The following CADM1 variants were observed in gnomAD, a reference collection of about 807,000 sequenced individuals.
CADM1 encodes the protein cell adhesion molecule 1.
A neutral mutation model predicts 53.1 loss-of-function variants in CADM1; 15 were observed. That is an observed-to-expected ratio of 0.28 (90% CI 0.19 to 0.44). The LOEUF is 0.44. CADM1 is among the 20% of genes least tolerant of loss of function. The pLI is 1.00. For synonymous variants in CADM1, 281 were observed against 243.0 expected (o/e 1.16, Z -1.45); for missense variants, 434 against 611.3 (o/e 0.71, Z 3.06).
intron 1 of CADM1, among the ~76,000 whole-genome samples, chr11:115,308,290 C>T (rs939429444): frequency 2.7e-5 from 4 of 150,790 alleles, no homozygotes; most frequent in South Asian, 2.1e-4. Flanking sequence ...TACTCTGGAG[C>T]AAAACACTCC....
At chr11:115,190,989 TAAAC>T (rs1186890223) in intron 9 of CADM1, 48 bp from the exon 10 acceptor site, 12 of 1,450,624 alleles carry the variant, frequency 8.3e-6, no homozygotes, top group East Asian at 4.8e-5. Context: ...TCGAGGGACA[TAAAC>T]AAAACACTTA....
chr11:115,383,923 T>C (rs896795054), intron 1 of CADM1, among the ~76,000 whole-genome samples: 2 of 151,854 alleles, frequency 1.3e-5, no homozygotes, highest in African/African-American at 4.8e-5. Flanking sequence ...GGAAGCTCAG[T>C]AGATCCTAAG....
intron 1 of CADM1, among the ~76,000 whole-genome samples, chr11:115,291,474 G>T (rs1022444000): frequency 6.6e-5 from 10 of 152,204 alleles, no homozygotes; most frequent in Non-Finnish European, 1.5e-4. Flanking sequence ...AGGAAAATCA[G>T]ATAGACTCAT....
intron 1 of CADM1, among the ~76,000 whole-genome samples, chr11:115,402,180 CAA>C (rs1484035878): frequency 6.6e-6 from 1 of 152,042 alleles, no homozygotes; most frequent in Admixed American, 6.5e-5. Flanking sequence ...CTTGGAAAAA[CAA>C]TGTTCGCAAC....
intron 9 of CADM1, among the ~76,000 whole-genome samples, chr11:115,196,620 A>AAAAAAAAAAAAAAAC (rs1940165468): frequency 1.3e-5 from 2 of 148,782 alleles, no homozygotes; most frequent in African/African-American, 2.5e-5. Flanking sequence ...AAAAAAAAAA[A>AAAAAAAAAAAAAAAC]TCACAAAACA....
Position 115,323,388 on chromosome 11 carries a change from A to G in CADM1, c.125-82968T>C, listed in dbSNP as rs1267091833. Among the ~76,000 whole-genome samples the G allele has an allele frequency of 2.0e-5, 3 of 152,210 alleles. No homozygotes were observed. The South Asian group carries it at 6.2e-4, about 32-fold the overall frequency. On this transcript the variant is annotated intron_variant, in intron 1 of 11. Transcript: ENST00000331581. ...CCTAAGTTACTTTTGATGTTTAAAT[A>G]AAAACTCTAAGATAATATCTAAAAC...
At position 115,407,769 on chromosome 11, in the gene CADM1, C is replaced by G. The variant is rs1460898246; in HGVS notation, c.124+96502G>C. 4.7e-5 allele frequency among the ~76,000 whole-genome samples: 7 copies of G among 148,050 alleles called. No individual in the cohort carries two copies. The East Asian group carries it at 1.4e-3, about 30-fold the overall frequency. On this transcript the variant is annotated intron_variant, in intron 1 of 11. Transcript: ENST00000331581. Reference sequence around the variant, plus strand: ...CGTTTGGTCCTAGCAACTTGGGAAGCCAAGGAAGGAGGGTCACCTGAGCCT... The same window carrying G: ...CGTTTGGTCCTAGCAACTTGGGAAGGCAAGGAAGGAGGGTCACCTGAGCCT...
At chr11:115,439,302 G>A (rs1393658745) in intron 1 of CADM1, among the ~76,000 whole-genome samples, 2 of 152,154 alleles carry the variant, frequency 1.3e-5, no homozygotes, top group African/African-American at 4.8e-5. Flanking sequence ...TTCATGTCAT[G>A]GCATTTCAAG....
chr11:115,302,808 G>A (rs1347512638), intron 1 of CADM1, among the ~76,000 whole-genome samples: 1 of 151,960 alleles, frequency 6.6e-6, no homozygotes, highest in African/African-American at 2.4e-5. Flanking sequence ...GATGCACTGG[G>A]TCACCATTGG....
Position 115,376,827 on chromosome 11 carries a change from G to A in CADM1, c.124+127444C>T, listed in dbSNP as rs73572988. Among the ~76,000 whole-genome samples the A allele has an allele frequency of 7.8e-3, 1,181 of 152,266 alleles. 16 individuals are homozygous for A. Among genetic ancestry groups the A allele is most frequent in the African/African-American group, 0.025 (1,056 of 41,546 alleles). ...GGGATTCTGTCAAGTAATTCCACAG[G>A]ACACTGGTGGTCTTGGTGTCTCTCT... On this transcript the variant is annotated intron_variant, in intron 1 of 11. Transcript: ENST00000331581.
chr11:115,484,086 A>C (rs1484864292), intron 1 of CADM1, among the ~76,000 whole-genome samples: 1 of 152,186 alleles, frequency 6.6e-6, no homozygotes, highest in East Asian at 1.9e-4. Context: ...CTTTACATAA[A>C]GGAGTTAAGA....
chr11:115,281,849 T>G (rs1287677315), intron 1 of CADM1, among the ~76,000 whole-genome samples: 2 of 152,116 alleles, frequency 1.3e-5, no homozygotes, highest in Non-Finnish European at 2.9e-5. Flanking sequence ...CATAATACTA[T>G]ATTTAATGGC....
intron 1 of CADM1, among the ~76,000 whole-genome samples, chr11:115,495,207 T>C (rs999588786): frequency 3.3e-5 from 5 of 152,156 alleles, no homozygotes; most frequent in African/African-American, 1.2e-4. Flanking sequence ...GCAAGAAAAA[T>C]GAAGCAATGC....
At chr11:115,188,069 A>C (rs1220307196) in intron 10 of CADM1, among the ~76,000 whole-genome samples, 1 of 152,160 alleles carries the variant, frequency 6.6e-6, no homozygotes, top group Non-Finnish European at 1.5e-5. Flanking sequence ...GGCACACTGT[A>C]TATTTACCAC....
At chr11:115,227,084 T>G (rs1163162922) in intron 5 of CADM1, among the ~76,000 whole-genome samples, 1 of 152,212 alleles carries the variant, frequency 6.6e-6, no homozygotes, top group East Asian at 1.9e-4. Context: ...CTAAAATATT[T>G]GTATGATTTT....
chr11:115,459,519 G>C (rs1236088198), intron 1 of CADM1, among the ~76,000 whole-genome samples: 1 of 152,116 alleles, frequency 6.6e-6, no homozygotes, highest in Non-Finnish European at 1.5e-5. Flanking sequence ...CCCAGAGAGA[G>C]AGAGAGAAAG....
chr11:115,271,506 T>A (rs1191329460), intron 1 of CADM1, among the ~76,000 whole-genome samples: 1 of 152,120 alleles, frequency 6.6e-6, no homozygotes, highest in Non-Finnish European at 1.5e-5. Flanking sequence ...ATGGTCTCGA[T>A]CTCCCGACCT....
intron 7 of CADM1, among the ~76,000 whole-genome samples, chr11:115,212,917 T>C (rs962821788): frequency 6.6e-6 from 1 of 152,206 alleles, no homozygotes; most frequent in Non-Finnish European, 1.5e-5. Context: ...AAATGCTAGC[T>C]ATAAACTACT....
At chr11:115,328,450 C>A (rs1591712239) in intron 1 of CADM1, among the ~76,000 whole-genome samples, 2 of 151,504 alleles carry the variant, frequency 1.3e-5, no homozygotes, top group East Asian at 4.0e-4. Context: ...TTAAGTTATA[C>A]ATGTCTTCAT....
Sources: gnomAD v4.1 joint callset for allele counts (sites outside exome capture counted in the v4.1 genomes callset) on GRCh38, gnomAD v4.1.1 for gene constraint, MANE v1.5 for transcripts, NCBI Gene and HGNC (gene_info 2026-07-23, HGNC 2026-07-21) for gene names.